The following ZBTB7C variants were observed in gnomAD, a reference collection of about 807,000 sequenced individuals.
ZBTB7C encodes the protein zinc finger and BTB domain containing 7C.
A neutral mutation model predicts 25.7 loss-of-function variants in ZBTB7C; 8 were observed. That is an observed-to-expected ratio of 0.31 (90% CI 0.18 to 0.56). The LOEUF is 0.56. Among genes scored for constraint, ZBTB7C ranks in the 20% least tolerant of loss-of-function variants. The probability of loss-of-function intolerance (pLI) is 0.91; values close to 1 mark genes in which losing one functional copy is unlikely to be tolerated. For missense variants in ZBTB7C, 824 were observed against 855.2 expected (o/e 0.96, Z 0.46); for synonymous variants, 394 against 369.0 (o/e 1.07, Z -0.78).
rs200025242 is a variant in ZBTB7C, at chr18:48,103,100, A to T, written c.-16-61977T>A. Among the ~76,000 whole-genome samples, 670 of 107,070 alleles carry T rather than the reference A, an allele frequency of 6.3e-3. 4 individuals are homozygous for T. Among genetic ancestry groups the T allele is most frequent in the African/African-American group, 0.02 (528 of 26,614 alleles). 70.2% of individuals were successfully genotyped at this position (107,070 alleles called of 152,430 possible). On this transcript the variant is annotated intron_variant, in intron 3 of 4. Coordinates refer to ENST00000590800, the MANE Select transcript of ZBTB7C (RefSeq NM_001318841.2). ...ATATTATATATATCTTATATATATT[A>T]TATATTTTATATTATCTATCTATCT...
At chr18:48,141,141 G>GCCC (rs1252993151) in intron 3 of ZBTB7C, among the ~76,000 whole-genome samples, 37 of 88,256 alleles carry the variant, frequency 4.2e-4, no homozygotes, top group South Asian at 8.2e-4. Flanking sequence ...CATCCCCCCC[G>GCCC]CACCACCCCC....
chr18:48,310,355 T>C (rs1388829771), intron 2 of ZBTB7C, among the ~76,000 whole-genome samples: 3 of 152,012 alleles, frequency 2.0e-5, no homozygotes, highest in Non-Finnish European at 4.4e-5. Flanking sequence ...AACAATCCTT[T>C]CCGCGTTCCA....
chr18:48,402,122 C>G (rs1292178128), intron 1 of ZBTB7C, among the ~76,000 whole-genome samples: 1 of 152,088 alleles, frequency 6.6e-6, no homozygotes, highest in Non-Finnish European at 1.5e-5. Flanking sequence ...CCTCTAAGCC[C>G]TGGGAACAGA....
At chr18:48,299,004 C>T (rs1300617018) in intron 2 of ZBTB7C, among the ~76,000 whole-genome samples, 10 of 152,180 alleles carry the variant, frequency 6.6e-5, no homozygotes, top group Admixed American at 6.5e-4. Flanking sequence ...CCATATTCTC[C>T]TCTAAGGCAC....
intron 2 of ZBTB7C, among the ~76,000 whole-genome samples, chr18:48,299,642 C>T (rs920053784): frequency 6.6e-6 from 1 of 152,136 alleles, no homozygotes; most frequent in African/African-American, 2.4e-5. Flanking sequence ...AAAACCAGTT[C>T]CCAGAGGCCA....
rs117336087 is a variant in ZBTB7C at position 48,406,398 on chromosome 18, G to A, written c.-304+2828C>T. Reference sequence around the variant, plus strand: ...GGTCAGCCCAGGAAGCCCAAGTTGCGTGCTGAGAATGTTAATTCAGTGGGA... The same window carrying A: ...GGTCAGCCCAGGAAGCCCAAGTTGCATGCTGAGAATGTTAATTCAGTGGGA... On this transcript the variant is annotated intron_variant, in intron 1 of 4. Transcript: ENST00000590800. Among the ~76,000 whole-genome samples, 581 of 152,228 alleles carry A rather than the reference G, an allele frequency of 3.8e-3. 4 individuals are homozygous for A. The highest frequency in any genetic ancestry group is 0.011 in the South Asian group (54 of 4,820).
intron 2 of ZBTB7C, among the ~76,000 whole-genome samples, chr18:48,337,153 C>A (rs2046475025): frequency 6.6e-6 from 1 of 152,212 alleles, no homozygotes; most frequent in East Asian, 1.9e-4. Context: ...CCTCCCCATC[C>A]CTTGGCTCTG....
chr18:48,139,482 C>T (rs1044784440), intron 3 of ZBTB7C, among the ~76,000 whole-genome samples: 11 of 152,082 alleles, frequency 7.2e-5, no homozygotes, highest in South Asian at 2.1e-4. Context: ...TTCCAGTCCC[C>T]GGACTGGAAG....
intron 2 of ZBTB7C, among the ~76,000 whole-genome samples, chr18:48,287,879 C>T (rs894780485): frequency 2.0e-5 from 3 of 152,152 alleles, no homozygotes; most frequent in African/African-American, 7.2e-5. Flanking sequence ...CCTGATTAAG[C>T]TCCTAGCAAA....
In ZBTB7C at chr18:48,212,159, A is replaced by G. The variant is rs576593747; in HGVS notation, c.-78-26164T>C. Among the ~76,000 whole-genome samples, 12 of 152,298 alleles carry G rather than the reference A, an allele frequency of 7.9e-5. No individual in the cohort carries two copies. In the East Asian group the frequency reaches 2.1e-3, roughly 27 times the overall value. ...CACTAGAGCCCAGGTGTTTGAGACT[A>G]GCCTGGGCAACAGAGCAAGACCCCG... On this transcript the variant is annotated intron_variant, in intron 2 of 4. Transcript: ENST00000590800.
intron 2 of ZBTB7C, among the ~76,000 whole-genome samples, chr18:48,324,527 G>T (rs1448410768): frequency 6.6e-6 from 1 of 152,108 alleles, no homozygotes; most frequent in Non-Finnish European, 1.5e-5. Context: ...AAACTCACAT[G>T]TAGAAACCCT....
At chr18:48,411,114 A>G (rs1387638423), upstream of ZBTB7C, among the ~76,000 whole-genome samples, 3 of 152,208 alleles carry the variant, frequency 2.0e-5, no homozygotes, top group African/African-American at 4.8e-5. Context: ...CGTTGGGAGT[A>G]GTGAAAACAA....
intron 3 of ZBTB7C, among the ~76,000 whole-genome samples, chr18:48,141,142 C>CG (rs2040332584): frequency 3.1e-5 from 2 of 65,468 alleles, no homozygotes; most frequent in African/African-American, 6.1e-5. Context: ...ATCCCCCCCG[C>CG]ACCACCCCCC....
intron 3 of ZBTB7C, among the ~76,000 whole-genome samples, chr18:48,074,345 C>A (rs151275243): frequency 6.6e-6 from 1 of 152,340 alleles, no homozygotes; most frequent in East Asian, 1.9e-4. Context: ...CACCCTCCAT[C>A]TGGGGGGCAG....
intron 3 of ZBTB7C, among the ~76,000 whole-genome samples, chr18:48,064,747 T>TA (rs1012795931): frequency 1.5e-4 from 22 of 151,416 alleles, no homozygotes; most frequent in Non-Finnish European, 2.4e-4. Flanking sequence ...TCTCAAAAAA[T>TA]AAAAAAAGAA....
intron 2 of ZBTB7C, among the ~76,000 whole-genome samples, chr18:48,217,395 C>T (rs551427075): frequency 5.3e-5 from 8 of 152,266 alleles, no homozygotes; most frequent in Admixed American, 1.3e-4. Context: ...TTAAAACCCG[C>T]GGAGGCCTCT....
intron 3 of ZBTB7C, among the ~76,000 whole-genome samples, chr18:48,104,552 T>C (rs1159058319): frequency 1.3e-5 from 2 of 152,206 alleles, no homozygotes; most frequent in South Asian, 2.1e-4. Context: ...TGTATGTATG[T>C]ATGTATGTAT....
At chr18:48,288,220 G>A (rs2045115223) in intron 2 of ZBTB7C, among the ~76,000 whole-genome samples, 1 of 152,234 alleles carries the variant, frequency 6.6e-6, no homozygotes, top group African/African-American at 2.4e-5. Flanking sequence ...ACAGTGGACT[G>A]AATGTTTATG....
At chr18:48,270,782 C>T (rs938148241) in intron 2 of ZBTB7C, among the ~76,000 whole-genome samples, 11 of 151,830 alleles carry the variant, frequency 7.2e-5, no homozygotes, top group Admixed American at 2.0e-4. Context: ...CCTCACGATC[C>T]GCCCACCTTG....
Sources: allele counts gnomAD v4.1 joint callset (sites outside exome capture counted in the v4.1 genomes callset), GRCh38; gene constraint gnomAD v4.1.1; transcripts MANE v1.5; gene names NCBI Gene and HGNC (gene_info 2026-07-23, HGNC 2026-07-21).